Variants in HOXB3 observed in about 807,000 individuals in gnomAD.
HOXB3 encodes the protein homeobox B3.
In HOXB3, 17 loss-of-function variants were observed where a neutral mutation model predicts 29.2. The observed-to-expected ratio is 0.58, with a 90% CI of 0.40 to 0.87. The LOEUF is 0.87. Among genes scored for constraint, HOXB3 ranks in the 40% least tolerant of loss-of-function variants. HOXB3 has a pLI of 0.00. For synonymous variants in HOXB3, 317 were observed against 285.9 expected, an observed-to-expected ratio of 1.11 and a Z score of -1.10; for missense variants, 637 against 616.3, an observed-to-expected ratio of 1.03 and a Z score of -0.35.
At chr17:48,578,899 GC>G (rs1334687543) in intron 1 of HOXB3, 1 of 153,050 alleles carries the variant, frequency 6.5e-6, no homozygotes, top group Non-Finnish European at 1.5e-5. Flanking sequence ...CCATACGGGG[GC>G]CAGAGCACAG....
At chr17:48,556,196 A>C (rs1204837905) in intron 2 of HOXB3, among the ~76,000 whole-genome samples, 1 of 151,004 alleles carries the variant, frequency 6.6e-6, no homozygotes, top group Non-Finnish European at 1.5e-5. Context: ...GATTGGAGGG[A>C]CAGGGAGGAA....
intron 4 of HOXB3, 121 bp from the exon 5 acceptor site, chr17:48,551,302 G>GCCCTC: frequency 8.5e-7 from 1 of 1,181,070 alleles, no homozygotes; most frequent in Non-Finnish European, 1.1e-6. Flanking sequence ...AGCCCCCGCC[G>GCCCTC]CCCTCCCCTT....
chr17:48,558,287 A>G (rs9905793), intron 2 of HOXB3, among the ~76,000 whole-genome samples: 130,342 of 151,956 alleles, frequency 0.86, 56,334 homozygotes, highest in Non-Finnish European at 0.91. Context: ...CAGAGACAAC[A>G]GCAGACCCCT....
In HOXB3 at chr17:48,580,316, CTT is replaced by C. The variant is rs749178051; in HGVS notation, c.-424-6304_-424-6303del. 505 of 101,226 alleles carry C rather than the reference CTT, an allele frequency of 5.0e-3. 1 individual carries two copies. Among genetic ancestry groups the C allele is most frequent in the South Asian group, 0.02 (56 of 2,744 alleles). The allele number at this position is 101,226 out of a possible 1,614,324, so 6.3% of individuals were successfully genotyped here. A position where few individuals can be genotyped will look rare whatever the true frequency, so the allele number is the denominator to read the frequency against. On this transcript the variant is annotated intron_variant, in intron 1 of 4. Transcript: ENST00000498678. ...TCGCGCCCCTCCCCTCCCCCCAGGA[CTT>C]TTTTTTTTTTTTTTTTTTTAGAAAA...
chr17:48,554,703 C>G lies in HOXB3; in HGVS notation c.-159+828G>C. 1.4e-6 allele frequency: 1 copy of G among 702,354 alleles called. No homozygotes were observed. Among genetic ancestry groups the G allele is most frequent in the African/African-American group, 1.7e-5 (1 of 57,384 alleles). The allele number at this position is 702,354 out of a possible 1,614,324, so 43.5% of individuals were successfully genotyped here. A position where few individuals can be genotyped will look rare whatever the true frequency, so the allele number is the denominator to read the frequency against. Reference sequence around the variant, plus strand: ...ACGGTTATCGGAGGCAGGTTCCCAGCACACCAGCCGGCCGAGGGCCGAGCC... The same window carrying G: ...ACGGTTATCGGAGGCAGGTTCCCAGGACACCAGCCGGCCGAGGGCCGAGCC... On this transcript the variant is annotated intron_variant, in intron 3 of 4. Coordinates refer to ENST00000498678, the MANE Select transcript of HOXB3 (RefSeq NM_001384749.1). This position sits in a 1 kb window ranked among gnomAD's most constrained non-coding sequence, Gnocchi z 4.1.
intron 2 of HOXB3, among the ~76,000 whole-genome samples, chr17:48,560,797 C>T (rs2069166067): frequency 6.6e-6 from 1 of 152,168 alleles, no homozygotes; most frequent in Admixed American, 6.5e-5. Context: ...GTGTGTGCTT[C>T]CTCCCAAGAA....
chr17:48,554,399 G>A lies in HOXB3; in HGVS notation c.-159+1132C>T. 4 of 544,344 alleles carry A rather than the reference G, an allele frequency of 7.3e-6. No homozygotes were observed. The South Asian group carries it at 7.4e-5, about 10-fold the overall frequency. The allele number at this position is 544,344 out of a possible 1,614,324, so 33.7% of individuals were successfully genotyped here. On this transcript the variant is annotated intron_variant, in intron 3 of 4. Coordinates refer to ENST00000498678, the MANE Select transcript of HOXB3 (RefSeq NM_001384749.1). This position sits in a 1 kb window ranked among gnomAD's most constrained non-coding sequence, Gnocchi z 4.1. ...ATAATTTAACTAGATGCCTGGGGCC[G>A]AAATTCCTGCCGCTCCCCTTGCAAT...
chr17:48,550,524 G>C lies in HOXB3; in HGVS notation c.1106C>G (p.Ser369Cys), dbSNP rs1470917092. 12 of 1,571,386 alleles carry C rather than the reference G, an allele frequency of 7.6e-6. No homozygotes were observed. Among genetic ancestry groups the C allele is most frequent in the Non-Finnish European group, 8.6e-6 (10 of 1,165,690 alleles). Reference sequence around the variant, plus strand: ...GGAAAGGTGGTTGAGGCCATAGAGGGAGGGGCCGGCAGGGGGCGGCAGCGG... The same window carrying C: ...GGAAAGGTGGTTGAGGCCATAGAGGCAGGGGCCGGCAGGGGGCGGCAGCGG... ...ADPLPPPAGP[S>C]LYGLNHLSHH... Residue 369 changes from serine (S) to cysteine (C), a missense_variant, in exon 5 of 5, where the codon TCC becomes TGC. Ser to Cys is a moderately radical substitution (Grantham distance 112). Coordinates refer to ENST00000498678, the MANE Select transcript of HOXB3 (RefSeq NM_001384749.1).
intron 1 of HOXB3, chr17:48,577,048 G>T: frequency 2.0e-6 from 3 of 1,538,378 alleles, no homozygotes; most frequent in South Asian, 1.2e-5. Flanking sequence ...GAGGGAGAAA[G>T]AGAAAGTTTT....
At chr17:48,566,296 TG>T (rs1490106253) in intron 2 of HOXB3, among the ~76,000 whole-genome samples, 3 of 152,046 alleles carry the variant, frequency 2.0e-5, no homozygotes, top group Non-Finnish European at 2.9e-5. Flanking sequence ...AGGCATCACA[TG>T]GGGGATTTAC....
chr17:48,554,556 C>T lies in HOXB3; in HGVS notation c.-159+975G>A, dbSNP rs1462383639. On this transcript the variant is annotated intron_variant, in intron 3 of 4. Transcript: ENST00000498678. This position sits in a 1 kb window ranked among gnomAD's most constrained non-coding sequence, Gnocchi z 4.1. ...GGGAAGGTTTGTGCACCCGGGTAGT[C>T]CCTGGCTGCTGCTGCCAGGCTGCCT... The T allele has an allele frequency of 2.9e-6, 2 of 695,126 alleles. No individual in the cohort carries two copies. The highest frequency in any genetic ancestry group is 5.4e-5 in the East Asian group (2 of 37,196). The allele number at this position is 695,126 out of a possible 1,614,324, so 43.1% of individuals were successfully genotyped here.
At position 48,578,845 on chromosome 17, in the gene HOXB3, GT is replaced by G. The variant is rs544408069; in HGVS notation, c.-424-4832del. 9.4e-4 allele frequency: 145 copies of G among 153,796 alleles called. 3 individuals are homozygous for G. The highest frequency in any genetic ancestry group is 3.4e-3 in the South Asian group (17 of 4,956). 9.5% of individuals were successfully genotyped at this position (153,796 alleles called of 1,614,324 possible). On this transcript the variant is annotated intron_variant, in intron 1 of 4. Coordinates refer to ENST00000498678, the MANE Select transcript of HOXB3 (RefSeq NM_001384749.1). ...CTAGCACCCTGCGTCTCTATGGGGA[GT>G]TAGGTTACTGGCGGGTTGGGGGCTC...
intron 3 of HOXB3, 162 bp downstream of exon 3, chr17:48,555,353 AGAGAGAGAGAGGGAGG>A (rs1309684403): frequency 9.5e-5 from 47 of 493,594 alleles, no homozygotes; most frequent in African/African-American, 5.8e-4. Flanking sequence ...AGAGAGAGAG[AGAGAGAGAGAGGGAGG>A]GAGGGAGGGA....
At chr17:48,570,387 G>T (rs1473402511) in intron 2 of HOXB3, among the ~76,000 whole-genome samples, 1 of 152,166 alleles carries the variant, frequency 6.6e-6, no homozygotes, top group African/African-American at 2.4e-5. Context: ...GGGGGGTGGG[G>T]ATGCAAAGGG....
At position 48,550,889 on chromosome 17, in the gene HOXB3, C is replaced by T. The variant is rs749364149; in HGVS notation, c.741G>A (p.Gln247=). 7 of 1,613,998 alleles carry T rather than the reference C, an allele frequency of 4.3e-6. No homozygotes were observed. The highest frequency in any genetic ancestry group is 1.7e-5 in the Admixed American group (1 of 60,012). The change falls in exon 5 of 5, where the codon CAG becomes CAA. Residue 247 remains glutamine (Q), a synonymous_variant. Transcript: ENST00000498678. ...ACGACGAGGCCAATCCCTTGGCCTTCTGGTCCTTCTTGTACTTCATGCGCC... is the reference window on the plus strand; with the variant it reads ...ACGACGAGGCCAATCCCTTGGCCTTTTGGTCCTTCTTGTACTTCATGCGCC... ...QNRRMKYKKD[Q]KAKGLASSSG...
At chr17:48,573,700 G>A (rs998287066) in intron 2 of HOXB3, 137 bp downstream of exon 2, 7 of 615,732 alleles carry the variant, frequency 1.1e-5, no homozygotes, top group Middle Eastern at 2.5e-4. Context: ...CAAACCTGCT[G>A]AAGCATCCAC....
intron 2 of HOXB3, among the ~76,000 whole-genome samples, chr17:48,569,372 T>G (rs1231887440): frequency 2.0e-5 from 3 of 151,966 alleles, no homozygotes; most frequent in Non-Finnish European, 4.4e-5. Flanking sequence ...CATCCATACC[T>G]ACTACATCTG....
In HOXB3 at chr17:48,584,389, C is replaced by T. The variant is rs116333685; in HGVS notation, c.-425+5736G>A. ...GGAAAGGCTCCAGTGTTGGCCCATG[C>T]TCATGGACCCCACCTTCCTGACACA... On this transcript the variant is annotated intron_variant, in intron 1 of 4. Transcript: ENST00000498678. 3.7e-3 allele frequency among the ~76,000 whole-genome samples: 556 copies of T among 152,310 alleles called. 2 individuals carry two copies. The highest frequency in any genetic ancestry group is 0.012 in the African/African-American group (507 of 41,564).
chr17:48,566,075 A>C (rs1186081135), intron 2 of HOXB3, among the ~76,000 whole-genome samples: 1 of 152,236 alleles, frequency 6.6e-6, no homozygotes. Context: ...GGGAGAAGAC[A>C]GAGTCAGCAG....
Sources: gnomAD v4.1 joint callset for allele counts (sites outside exome capture counted in the v4.1 genomes callset) on GRCh38, gnomAD v4.1.1 for gene constraint, Gnocchi (gnomAD v3.1) non-coding constraint, MANE v1.5 for transcripts, NCBI Gene and HGNC (gene_info 2026-07-23, HGNC 2026-07-21) for gene names.